The following ADNP variants were observed in gnomAD, a reference collection of about 807,000 sequenced individuals.
ADNP encodes the protein activity dependent neuroprotector homeobox.
A neutral mutation model predicts 84.9 loss-of-function variants in ADNP; 4 were observed. The ratio of observed to expected loss-of-function variants is 0.05; its 90% CI spans 0.02 to 0.11. ADNP has a LOEUF of 0.11. Ranked by LOEUF, ADNP falls within the 10% of genes least tolerant of loss-of-function variation. The pLI is 1.00. For missense variants in ADNP, 1,132 were observed against 1,326.0 expected, an observed-to-expected ratio of 0.85 and a Z score of 2.27; for synonymous variants, 554 against 468.1, an observed-to-expected ratio of 1.18 and a Z score of -2.37.
At position 50,911,592 on chromosome 20, in the gene ADNP, T is replaced by A. The variant is rs552269748; in HGVS notation, c.-89-6743A>T. Among the ~76,000 whole-genome samples, 19 of 151,858 alleles carry A rather than the reference T, an allele frequency of 1.3e-4. No individual in the cohort carries two copies. The South Asian group carries it at 3.9e-3, about 32-fold the overall frequency. ...ATCACCCAACAGATGACAGTCCCAG[T>A]TTAGCAGGCTCAAGGTAAAGTCTGC... On this transcript the variant is annotated intron_variant, in intron 2 of 5. Coordinates refer to ENST00000621696, the MANE Select transcript of ADNP (RefSeq NM_001282531.3).
At chr20:50,923,396 C>A (rs1028740956) in intron 2 of ADNP, among the ~76,000 whole-genome samples, 1 of 152,214 alleles carries the variant, frequency 6.6e-6, no homozygotes, top group Non-Finnish European at 1.5e-5. Context: ...TTCCCAGGAT[C>A]AAGGCTTCAC....
At chr20:50,903,701 T>C (rs1019958258) in intron 4 of ADNP, among the ~76,000 whole-genome samples, 188 bp downstream of exon 4, 3 of 152,184 alleles carry the variant, frequency 2.0e-5, no homozygotes, top group Non-Finnish European at 4.4e-5. Flanking sequence ...TGCTTCAGGA[T>C]GCAAAAATGA....
intron 2 of ADNP, among the ~76,000 whole-genome samples, chr20:50,924,094 C>G (rs1385473388): frequency 6.6e-6 from 1 of 152,124 alleles, no homozygotes; most frequent in Non-Finnish European, 1.5e-5. Flanking sequence ...TTTCCACAAG[C>G]TCTTAAATGG....
intron 2 of ADNP, among the ~76,000 whole-genome samples, chr20:50,928,222 AT>A (rs1984414742): frequency 6.6e-6 from 1 of 152,236 alleles, no homozygotes; most frequent in Non-Finnish European, 1.5e-5. Flanking sequence ...ATCTTGGTGT[AT>A]TTATGTAACA....
At chr20:50,902,934 A>T (rs2122832702) in intron 4 of ADNP, among the ~76,000 whole-genome samples, 1 of 152,370 alleles carries the variant, frequency 6.6e-6, no homozygotes, top group African/African-American at 2.4e-5. Flanking sequence ...GAACAACGTG[A>T]CTAGAGAAGT....
chr20:50,893,502 C>G lies in ADNP; in HGVS notation c.1212G>C (p.Ser404=), dbSNP rs139951165. 2.8e-4 allele frequency: 453 copies of G among 1,613,740 alleles called. No individual in the cohort carries two copies. The highest frequency in any genetic ancestry group is 4.5e-4 in the Admixed American group (27 of 60,008). The change falls in exon 6 of 6, where the codon TCG becomes TCC. Residue 404 remains serine (S), a synonymous_variant. Transcript: ENST00000621696. The surrounding 1 kb of genome is among the most constrained non-coding windows in gnomAD (Gnocchi z 4.4). The part of the protein sequence containing the change: ...LQSANASSLS[S]GQLKSPSLSQ... ...AGAGGGAAGGAGACTTTAACTGGCC[C>G]GATGAGAGAGAAGAGGCATTAGCAG...
chr20:50,927,367 T>A lies in ADNP; in HGVS notation c.-90+1284A>T, dbSNP rs1438935821. ...CCAAAATCAAAGAGGTTAGTTTCAATATATAGCTCCTAATAAGCTAGTCTC... is the reference window on the plus strand; with the variant it reads ...CCAAAATCAAAGAGGTTAGTTTCAAAATATAGCTCCTAATAAGCTAGTCTC... On this transcript the variant is annotated intron_variant, in intron 2 of 5. Coordinates refer to ENST00000621696, the MANE Select transcript of ADNP (RefSeq NM_001282531.3). 3.3e-5 allele frequency among the ~76,000 whole-genome samples: 5 copies of A among 152,196 alleles called. No individual in the cohort carries two copies. The East Asian group carries it at 9.6e-4, about 29-fold the overall frequency.
intron 2 of ADNP, among the ~76,000 whole-genome samples, chr20:50,911,347 T>C (rs879613250): frequency 1.3e-5 from 2 of 152,160 alleles, no homozygotes; most frequent in Non-Finnish European, 2.9e-5. Context: ...TTTGAGTCTT[T>C]TTTCTATCTT....
intron 5 of ADNP, 46 bp downstream of exon 5, chr20:50,901,971 T>C: frequency 7.2e-7 from 1 of 1,383,962 alleles, no homozygotes; most frequent in Non-Finnish European, 1.0e-6. Context: ...GAAAAGGGAG[T>C]ATACCAAGCA....
At chr20:50,913,949 C>G in intron 2 of ADNP, 1 of 693,226 alleles carries the variant, frequency 1.4e-6, no homozygotes, top group Non-Finnish European at 2.7e-6. Flanking sequence ...CGAGATTGGT[C>G]TCCTCTTCAG....
In ADNP at chr20:50,914,030, T is replaced by A; in HGVS notation, c.-89-9181A>T. 4.0e-6 allele frequency: 3 copies of A among 754,504 alleles called. No individual in the cohort carries two copies. In the South Asian group the frequency reaches 4.1e-5, roughly 10 times the overall value. 46.7% of individuals were successfully genotyped at this position (754,504 alleles called of 1,614,324 possible). A position where few individuals can be genotyped will look rare whatever the true frequency, so the allele number is the denominator to read the frequency against. On this transcript the variant is annotated intron_variant, in intron 2 of 5. Transcript: ENST00000621696. ...GGAAAAGGTGCTCAAGTGAATGCTG[T>A]CAATCAAAATGGCTCTACTCCCCTA... is the stretch of plus-strand genomic sequence containing the variant.
chr20:50,891,128 GATAAA>G lies in ADNP; in HGVS notation c.*272_*276del, dbSNP rs1178116773. The stretch of plus-strand genomic sequence containing the variant: ...GAGGGAAAGAAATGTTGAAAAGGCA[GATAAA>G]ATAAACCTCTGCTTTTCCTCGTGTG... On this transcript the variant is annotated 3_prime_UTR_variant, in exon 6 of 6. Coordinates refer to ENST00000621696, the MANE Select transcript of ADNP (RefSeq NM_001282531.3). The G allele has an allele frequency of 8.2e-7, 1 of 1,218,270 alleles. No homozygotes were observed. Among genetic ancestry groups the G allele is most frequent in the African/African-American group, 1.6e-5 (1 of 63,972 alleles). The allele number at this position is 1,218,270 out of a possible 1,614,324, so 75.5% of individuals were successfully genotyped here. A position where few individuals can be genotyped will look rare whatever the true frequency, so the allele number is the denominator to read the frequency against.
intron 2 of ADNP, among the ~76,000 whole-genome samples, chr20:50,915,216 A>T (rs542441742): frequency 7.2e-5 from 11 of 152,264 alleles, no homozygotes; most frequent in South Asian, 4.1e-4. Context: ...TCAGCAACAT[A>T]TTTAATACCT....
Position 50,889,621 on chromosome 20 carries a change from G to A in ADNP, c.*1784C>T. On this transcript the variant is annotated 3_prime_UTR_variant, in exon 6 of 6. Coordinates refer to ENST00000621696, the MANE Select transcript of ADNP (RefSeq NM_001282531.3). ...CTTTCTTTTGGAAACAGACTCAGAAGTTATGGACATCAGCCACTTCAGACT... is the reference window on the plus strand; with the variant it reads ...CTTTCTTTTGGAAACAGACTCAGAAATTATGGACATCAGCCACTTCAGACT... 1 of 362,082 alleles carries A rather than the reference G, an allele frequency of 2.8e-6. No individual in the cohort carries two copies. Among genetic ancestry groups the A allele is most frequent in the Non-Finnish European group, 4.9e-6 (1 of 203,560 alleles). 22.4% of individuals were successfully genotyped at this position (362,082 alleles called of 1,614,324 possible).
rs1980662340 is a variant in ADNP at position 50,891,179 on chromosome 20, A to T, written c.*226T>A. The T allele has an allele frequency of 7.6e-7, 1 of 1,309,296 alleles. No homozygotes were observed. The highest frequency in any genetic ancestry group is 9.7e-7 in the Non-Finnish European group (1 of 1,033,638). 81.1% of individuals were successfully genotyped at this position (1,309,296 alleles called of 1,614,324 possible). A position where few individuals can be genotyped will look rare whatever the true frequency, so the allele number is the denominator to read the frequency against. ...GTGTGTATTCATGAGTCACCAGCTTATTGGTTTTTCACATTTAGTTACCGT... is the reference window on the plus strand; with the variant it reads ...GTGTGTATTCATGAGTCACCAGCTTTTTGGTTTTTCACATTTAGTTACCGT... On this transcript the variant is annotated 3_prime_UTR_variant, in exon 6 of 6. Coordinates refer to ENST00000621696, the MANE Select transcript of ADNP (RefSeq NM_001282531.3).
At chr20:50,926,059 C>CACCG (rs1984268789) in intron 2 of ADNP, among the ~76,000 whole-genome samples, 4 of 152,248 alleles carry the variant, frequency 2.6e-5, no homozygotes, top group Admixed American at 2.6e-4. Context: ...GACATTGGGC[C>CACCG]ACCGCACCCC....
At position 50,892,991 on chromosome 20, in the gene ADNP, G is replaced by C; in HGVS notation, c.1723C>G (p.Pro575Ala). The C allele has an allele frequency of 6.2e-7, 1 of 1,614,190 alleles. No homozygotes were observed. Among genetic ancestry groups the C allele is most frequent in the Non-Finnish European group, 8.5e-7 (1 of 1,180,032 alleles). The change falls in exon 6 of 6, where the codon CCA becomes GCA. Residue 575 changes from proline to alanine, a missense_variant. Coordinates refer to ENST00000621696, the MANE Select transcript of ADNP (RefSeq NM_001282531.3). Reference sequence around the variant, plus strand: ...GCATGGTAAGCAACAGATTCAGCTGGGGCATCCCTCAGATTGTATGTAGTT... The same window carrying C: ...GCATGGTAAGCAACAGATTCAGCTGCGGCATCCCTCAGATTGTATGTAGTT... ...LVTTYNLRDA[P>A]AESVAYHAQN...
At chr20:50,895,614 C>T (rs1432828923) in intron 5 of ADNP, among the ~76,000 whole-genome samples, 5 of 152,164 alleles carry the variant, frequency 3.3e-5, no homozygotes, top group Non-Finnish European at 7.3e-5. Context: ...GTGGCACAAT[C>T]GGCTCACTGC....
chr20:50,894,510 G>C lies in ADNP; in HGVS notation c.204C>G (p.Asp68Glu). Residue 68 changes from aspartate to glutamate, a missense_variant and splice_region_variant, in exon 6 of 6, where the codon GAC becomes GAG. Asp to Glu is a conservative substitution (Grantham distance 45). This residue lies in a region of ADNP where 56 missense variants were observed against 94.6 expected (regional missense o/e 0.59). Coordinates refer to ENST00000621696, the MANE Select transcript of ADNP (RefSeq NM_001282531.3). Reference sequence around the variant, plus strand: ...TGCAGCAGAAAGGTTTTGTCCGATAGTCCTAAAGTAAACACAAAAACTAGA... The same window carrying C: ...TGCAGCAGAAAGGTTTTGTCCGATACTCCTAAAGTAAACACAAAAACTAGA... ...LWDPSLTKNQ[D>E]YRTKPFCCSA... The C allele has an allele frequency of 6.4e-7, 1 of 1,571,738 alleles. No individual in the cohort carries two copies. Among genetic ancestry groups the C allele is most frequent in the Middle Eastern group, 1.7e-4 (1 of 5,832 alleles).
Sources: gnomAD v4.1 joint callset for allele counts (sites outside exome capture counted in the v4.1 genomes callset) on GRCh38, gnomAD v4.1.1 for gene constraint, gnomAD v4.1.1 regional missense constraint, Gnocchi (gnomAD v3.1) non-coding constraint, MANE v1.5 for transcripts, NCBI Gene and HGNC (gene_info 2026-07-23, HGNC 2026-07-21) for gene names.